CDK19: variants seen among roughly 807,000 people sequenced by gnomAD.
The protein encoded by CDK19 is cyclin-dependent kinase 19.
A neutral mutation model predicts 68.3 loss-of-function variants in CDK19; 20 were observed. The ratio of observed to expected loss-of-function variants is 0.29; its 90% CI spans 0.21 to 0.43. The LOEUF is 0.43. Among genes scored for constraint, CDK19 ranks in the 20% least tolerant of loss-of-function variants. The probability of loss-of-function intolerance (pLI) is 1.00; values close to 1 mark genes in which losing one functional copy is unlikely to be tolerated. For synonymous variants in CDK19, 221 were observed against 222.8 expected, an observed-to-expected ratio of 0.99 and a Z score of 0.07; for missense variants, 339 against 623.5, an observed-to-expected ratio of 0.54 and a Z score of 4.86.
chr6:110,683,441 GA>G (rs1401064639), intron 2 of CDK19, among the ~76,000 whole-genome samples: 1 of 152,060 alleles, frequency 6.6e-6, no homozygotes, highest in Non-Finnish European at 1.5e-5. Flanking sequence ...GGCTGAGTTG[GA>G]AAATGCCACA....
At chr6:110,636,642 G>T (rs755666028) in intron 5 of CDK19, among the ~76,000 whole-genome samples, 1 of 152,176 alleles carries the variant, frequency 6.6e-6, no homozygotes, top group Non-Finnish European at 1.5e-5. Flanking sequence ...TTTGATAGAG[G>T]GATGGAATTA....
chr6:110,794,926 G>A (rs1275097208), intron 1 of CDK19, among the ~76,000 whole-genome samples: 1 of 152,080 alleles, frequency 6.6e-6, no homozygotes, highest in African/African-American at 2.4e-5. Context: ...AAATGTGGAT[G>A]ACAAGATTAG....
chr6:110,742,464 T>C (rs1273527282), intron 2 of CDK19, among the ~76,000 whole-genome samples: 1 of 152,172 alleles, frequency 6.6e-6, no homozygotes, highest in African/African-American at 2.4e-5. Context: ...ACAGTGATTT[T>C]CAGGGAACAA....
intron 4 of CDK19, among the ~76,000 whole-genome samples, chr6:110,649,012 G>A (rs549144566): frequency 2.8e-4 from 43 of 152,052 alleles, no homozygotes; most frequent in African/African-American, 7.7e-4. Context: ...GTGCCTGGCC[G>A]AAACCTTATC....
chr6:110,767,134 A>AAAAT (rs542748664), intron 1 of CDK19, among the ~76,000 whole-genome samples: 77 of 150,810 alleles, frequency 5.1e-4, no homozygotes, highest in South Asian at 8.6e-4. Flanking sequence ...CTCTGCCTCA[A>AAAAT]AAATAAATAA....
intron 2 of CDK19, among the ~76,000 whole-genome samples, chr6:110,675,264 A>T (rs1771400387): frequency 6.6e-6 from 1 of 152,206 alleles, no homozygotes; most frequent in Non-Finnish European, 1.5e-5. Context: ...ACTAGGGTTT[A>T]ACGCAACTGG....
At chr6:110,755,914 T>G (rs1053669283) in intron 1 of CDK19, among the ~76,000 whole-genome samples, 2 of 151,912 alleles carry the variant, frequency 1.3e-5, no homozygotes, top group Non-Finnish European at 2.9e-5. Flanking sequence ...TTAGAGTAAA[T>G]GTAGTCAGAA....
At chr6:110,801,299 A>G (rs1220461362) in intron 1 of CDK19, among the ~76,000 whole-genome samples, 1 of 152,010 alleles carries the variant, frequency 6.6e-6, no homozygotes, top group Non-Finnish European at 1.5e-5. Context: ...AGCTTTGGCA[A>G]CATAGTGAGA....
At chr6:110,736,015 T>C (rs2114825875) in intron 2 of CDK19, among the ~76,000 whole-genome samples, 1 of 152,316 alleles carries the variant, frequency 6.6e-6, no homozygotes, top group African/African-American at 2.4e-5. Flanking sequence ...CCAGCCTTAC[T>C]AGCAAATCAA....
intron 2 of CDK19, among the ~76,000 whole-genome samples, chr6:110,734,812 G>C (rs867629712): frequency 6.6e-6 from 1 of 151,982 alleles, no homozygotes; most frequent in African/African-American, 2.4e-5. Context: ...CTTCTTGAGG[G>C]AAAGGGAAAA....
chr6:110,752,740 T>C (rs1433615946), intron 1 of CDK19, among the ~76,000 whole-genome samples: 1 of 152,128 alleles, frequency 6.6e-6, no homozygotes, highest in Non-Finnish European at 1.5e-5. Context: ...CTCCTGTTTT[T>C]GTGTATGTAT....
At chr6:110,744,010 C>T (rs1263638658) in intron 2 of CDK19, among the ~76,000 whole-genome samples, 5 of 88,044 alleles carry the variant, frequency 5.7e-5, no homozygotes, top group Admixed American at 1.8e-4. Flanking sequence ...TACCTCCCCA[C>T]GTTTTTTTTT....
At chr6:110,688,690 G>C (rs1202221886) in intron 2 of CDK19, among the ~76,000 whole-genome samples, 1 of 152,180 alleles carries the variant, frequency 6.6e-6, no homozygotes, top group Non-Finnish European at 1.5e-5. Context: ...CTGATTTAGG[G>C]AGTGGTGAGG....
At chr6:110,780,786 G>A (rs543497519) in intron 1 of CDK19, among the ~76,000 whole-genome samples, 1 of 152,166 alleles carries the variant, frequency 6.6e-6, no homozygotes, top group South Asian at 2.1e-4. Context: ...CAAAGGAGGA[G>A]TATCATGGAC....
At chr6:110,731,160 ATT>A (rs1776731690) in intron 2 of CDK19, among the ~76,000 whole-genome samples, 3 of 152,050 alleles carry the variant, frequency 2.0e-5, no homozygotes, top group African/African-American at 7.2e-5. Context: ...AAGAAAAGAA[ATT>A]AATTTAGAAT....
chr6:110,782,359 A>C (rs984498956), intron 1 of CDK19, among the ~76,000 whole-genome samples: 1 of 152,180 alleles, frequency 6.6e-6, no homozygotes, highest in Non-Finnish European at 1.5e-5. Context: ...TGATCACTGA[A>C]TCCTAGCTCC....
intron 2 of CDK19, among the ~76,000 whole-genome samples, chr6:110,734,951 T>C (rs1777129276): frequency 6.6e-6 from 1 of 152,224 alleles, no homozygotes; most frequent in Admixed American, 6.5e-5. Context: ...TTCAAATAAT[T>C]ACTTGATTAG....
chr6:110,643,621 C>T (rs1582758496), intron 4 of CDK19, among the ~76,000 whole-genome samples: 1 of 152,124 alleles, frequency 6.6e-6, no homozygotes, highest in Non-Finnish European at 1.5e-5. Flanking sequence ...AAAAAGTTTT[C>T]AGGCTCATGG....
intron 1 of CDK19, among the ~76,000 whole-genome samples, chr6:110,786,902 G>C (rs1460129204): frequency 6.6e-6 from 1 of 152,098 alleles, no homozygotes; most frequent in Non-Finnish European, 1.5e-5. Context: ...AGGCTCAGGG[G>C]TTAGCAGCTT....
Sources: gnomAD v4.1 joint callset for allele counts (sites outside exome capture counted in the v4.1 genomes callset) on GRCh38, gnomAD v4.1.1 for gene constraint, MANE v1.5 for transcripts, NCBI Gene and HGNC (gene_info 2026-07-23, HGNC 2026-07-21) for gene names.